The following FSTL5 variants were observed in gnomAD, a reference collection of about 807,000 sequenced individuals.
The protein encoded by FSTL5 is follistatin like 5.
Under a neutral mutation model 89.1 loss-of-function variants are expected in FSTL5, and 62 were observed. The ratio of observed to expected loss-of-function variants is 0.70; its 90% confidence interval spans 0.57 to 0.86. The LOEUF (loss-of-function observed/expected upper bound fraction) is 0.86, where lower values mean the gene tolerates loss of function less well. FSTL5 is among the 40% of genes least tolerant of loss of function. FSTL5 has a pLI of 0.00. For missense variants in FSTL5, 1,057 were observed against 1,001.6 expected, an observed-to-expected ratio of 1.06 and a Z score of -0.75; for synonymous variants, 383 against 346.2, an observed-to-expected ratio of 1.11 and a Z score of -1.18.
intron 7 of FSTL5, among the ~76,000 whole-genome samples, chr4:161,650,962 C>T (rs1235103822): frequency 2.6e-5 from 4 of 152,148 alleles, no homozygotes; most frequent in Non-Finnish European, 4.4e-5. Flanking sequence ...TTCTCGGTCA[C>T]GTTAACACAT....
intron 6 of FSTL5, among the ~76,000 whole-genome samples, chr4:161,694,648 G>A (rs1246179130): frequency 6.6e-6 from 1 of 151,804 alleles, no homozygotes; most frequent in African/African-American, 2.4e-5. Context: ...AATGATTTTT[G>A]TTATTTTTTT....
chr4:161,534,389 A>C (rs1262902307), intron 10 of FSTL5, among the ~76,000 whole-genome samples: 2 of 152,192 alleles, frequency 1.3e-5, no homozygotes, highest in African/African-American at 4.8e-5. Context: ...TTCAGGATAC[A>C]AAACCAATAT....
At chr4:161,597,201 C>A (rs1417210479) in intron 7 of FSTL5, among the ~76,000 whole-genome samples, 1 of 151,992 alleles carries the variant, frequency 6.6e-6, no homozygotes, top group Non-Finnish European at 1.5e-5. Flanking sequence ...TTAAATTGAT[C>A]TTTGTATAAG....
intron 13 of FSTL5, among the ~76,000 whole-genome samples, chr4:161,470,310 T>C (rs896583573): frequency 6.6e-6 from 1 of 152,166 alleles, no homozygotes; most frequent in Non-Finnish European, 1.5e-5. Flanking sequence ...TTCTTTTGCA[T>C]GTGGACATCC....
At chr4:161,832,598 T>G (rs890315382) in intron 4 of FSTL5, among the ~76,000 whole-genome samples, 6 of 152,140 alleles carry the variant, frequency 3.9e-5, no homozygotes, top group African/African-American at 9.7e-5. Flanking sequence ...TTCTTCCTGG[T>G]TTAGTCTTGG....
intron 12 of FSTL5, among the ~76,000 whole-genome samples, chr4:161,481,473 C>A (rs1458959597): frequency 6.6e-6 from 1 of 152,026 alleles, no homozygotes; most frequent in East Asian, 1.9e-4. Context: ...AGTCCAACAT[C>A]TTTCCTCAAA....
At chr4:161,744,524 A>G (rs1740127886) in intron 6 of FSTL5, among the ~76,000 whole-genome samples, 1 of 152,170 alleles carries the variant, frequency 6.6e-6, no homozygotes, top group Admixed American at 6.5e-5. Flanking sequence ...ATTCTACCAT[A>G]TATAAATATT....
intron 5 of FSTL5, among the ~76,000 whole-genome samples, chr4:161,768,640 A>G (rs1347300051): frequency 2.6e-5 from 4 of 152,026 alleles, no homozygotes; most frequent in African/African-American, 9.7e-5. Flanking sequence ...TACATCTTCA[A>G]TCAAATATTC....
chr4:161,681,640 T>C (rs895926694), intron 6 of FSTL5, among the ~76,000 whole-genome samples: 2 of 152,072 alleles, frequency 1.3e-5, no homozygotes, highest in East Asian at 1.9e-4. Flanking sequence ...GGAATATATA[T>C]AGTTTATTTA....
At chr4:161,613,180 C>T (rs1399255895) in intron 7 of FSTL5, among the ~76,000 whole-genome samples, 1 of 152,126 alleles carries the variant, frequency 6.6e-6, no homozygotes, top group Non-Finnish European at 1.5e-5. Flanking sequence ...CAGCCAGGCG[C>T]GGTGGTTCAC....
intron 4 of FSTL5, among the ~76,000 whole-genome samples, chr4:161,874,153 T>C (rs1732365554): frequency 6.6e-6 from 1 of 152,094 alleles, no homozygotes; most frequent in Non-Finnish European, 1.5e-5. Flanking sequence ...TTTAGTCTCC[T>C]AACAGCAGTG....
intron 3 of FSTL5, among the ~76,000 whole-genome samples, chr4:161,975,019 C>T (rs2111026261): frequency 7.7e-6 from 1 of 130,376 alleles, no homozygotes; most frequent in South Asian, 2.7e-4. Flanking sequence ...TCATCACTGG[C>T]CATCAGAGAA....
intron 3 of FSTL5, among the ~76,000 whole-genome samples, chr4:162,025,237 TA>T (rs1489950228): frequency 1.3e-5 from 2 of 152,178 alleles, no homozygotes; most frequent in East Asian, 3.9e-4. Context: ...TATAACTTTG[TA>T]AAATAATGAT....
At chr4:161,543,957 C>T (rs917132120) in intron 8 of FSTL5, among the ~76,000 whole-genome samples, 1 of 151,546 alleles carries the variant, frequency 6.6e-6, no homozygotes, top group African/African-American at 2.4e-5. Context: ...TAAACACAAC[C>T]CACAAAATAG....
chr4:162,012,630 A>C (rs1736801362), intron 3 of FSTL5, among the ~76,000 whole-genome samples: 1 of 152,106 alleles, frequency 6.6e-6, no homozygotes, highest in Non-Finnish European at 1.5e-5. Context: ...TGGTAGAAAA[A>C]TATCCCCCTT....
chr4:161,656,685 A>G (rs1284146343), intron 6 of FSTL5, among the ~76,000 whole-genome samples, 191 bp from the exon 7 acceptor site: 1 of 152,198 alleles, frequency 6.6e-6, no homozygotes, highest in Non-Finnish European at 1.5e-5. Flanking sequence ...ATTGATTGAC[A>G]AGCATCCTCA....
intron 15 of FSTL5, among the ~76,000 whole-genome samples, chr4:161,419,264 A>G (rs1281053477): frequency 6.6e-6 from 1 of 152,114 alleles, no homozygotes; most frequent in African/African-American, 2.4e-5. Flanking sequence ...AGCCTTTGTA[A>G]TCATTTAAGT....
intron 15 of FSTL5, among the ~76,000 whole-genome samples, chr4:161,417,280 ACT>A (rs2110955751): frequency 1.3e-5 from 2 of 152,244 alleles, no homozygotes; most frequent in South Asian, 4.1e-4. Context: ...GTTTGCTTTA[ACT>A]CTAGCTAATT....
chr4:161,571,471 A>G (rs1733007658), intron 8 of FSTL5, among the ~76,000 whole-genome samples: 1 of 152,152 alleles, frequency 6.6e-6, no homozygotes, highest in African/African-American at 2.4e-5. Flanking sequence ...AAAAAAGTCC[A>G]CATCAAAAAG....
Sources: allele counts gnomAD v4.1 joint callset (sites outside exome capture counted in the v4.1 genomes callset), GRCh38; gene constraint gnomAD v4.1.1; transcripts MANE v1.5; gene names NCBI Gene and HGNC (gene_info 2026-07-23, HGNC 2026-07-21).